Variants in DMBT1 observed in about 807,000 individuals in gnomAD.
DMBT1 encodes the protein scavenger receptor cysteine-rich domain-containing protein DMBT1.
Under a neutral mutation model 252.9 loss-of-function variants are expected in DMBT1, and 198 were observed. The ratio of observed to expected loss-of-function variants is 0.78; its 90% CI spans 0.70 to 0.88. The LOEUF is 0.88. Among genes scored for constraint, DMBT1 ranks in the 40% least tolerant of loss-of-function variants. The pLI is 0.00. For synonymous variants in DMBT1, 990 were observed against 942.7 expected (o/e 1.05, Z -0.92); for missense variants, 2,432 against 2,404.7 (o/e 1.01, Z -0.24).
At chr10:122,624,889 TTTC>T (rs139861243) in intron 44 of DMBT1, among the ~76,000 whole-genome samples, 20,967 of 152,154 alleles carry the variant, frequency 0.14, 1,636 homozygotes, top group South Asian at 0.35. Context: ...AGTGTGTGGT[TTTC>T]TCCATGACAA....
intron 52 of DMBT1, among the ~76,000 whole-genome samples, chr10:122,635,589 C>T (rs980206749): frequency 5.3e-5 from 8 of 152,128 alleles, no homozygotes; most frequent in African/African-American, 1.4e-4. Flanking sequence ...CTCACTCTGT[C>T]GCCCAAACTG....
chr10:122,565,820 T>C (rs2097585135), intron 1 of DMBT1, 147 bp from the exon 2 acceptor site: 1 of 734,146 alleles, frequency 1.4e-6, no homozygotes, highest in Non-Finnish European at 2.4e-6. Context: ...AGAATTCATT[T>C]AGCAAGAACG....
At chr10:122,623,424 G>A (rs1483619096) in intron 44 of DMBT1, among the ~76,000 whole-genome samples, 2 of 152,194 alleles carry the variant, frequency 1.3e-5, no homozygotes, top group Non-Finnish European at 2.9e-5. Flanking sequence ...ATATACCTAG[G>A]AGTGGGATTG....
chr10:122,579,433 A>G, intron 9 of DMBT1, 145 bp from the exon 10 acceptor site: 16 of 1,520,526 alleles, frequency 1.1e-5, no homozygotes, highest in Non-Finnish European at 1.3e-5. Context: ...TTTCACGGTG[A>G]TGAAGCCTAG....
At chr10:122,579,445 C>A in intron 9 of DMBT1, 133 bp from the exon 10 acceptor site, 1 of 1,546,466 alleles carries the variant, frequency 6.5e-7, no homozygotes, top group South Asian at 1.2e-5. Flanking sequence ...GAAGCCTAGT[C>A]TGTGGTCATA....
At chr10:122,590,047 G>A (rs928652498) in intron 17 of DMBT1, among the ~76,000 whole-genome samples, 1 of 148,596 alleles carries the variant, frequency 6.7e-6, no homozygotes, top group Middle Eastern at 3.4e-3. Flanking sequence ...GTTGGGGGAC[G>A]GACGATCTCA....
intron 5 of DMBT1, among the ~76,000 whole-genome samples, chr10:122,573,426 G>A (rs1591196995): frequency 6.6e-6 from 1 of 152,210 alleles, no homozygotes; most frequent in Admixed American, 6.5e-5. Context: ...ATTCAATCTT[G>A]TGACTAGCAT....
At chr10:122,634,998 AT>A (rs772728056) in intron 52 of DMBT1, among the ~76,000 whole-genome samples, 4 of 152,086 alleles carry the variant, frequency 2.6e-5, no homozygotes, top group Non-Finnish European at 4.4e-5. Context: ...TTCATTTGGG[AT>A]TTTGCAAAAG....
intron 3 of DMBT1, 59 bp from the exon 4 acceptor site, chr10:122,570,831 A>C: frequency 6.3e-7 from 1 of 1,587,558 alleles, no homozygotes; most frequent in South Asian, 1.1e-5. Context: ...GAAGCCATGG[A>C]CCAACCCTCC....
intron 17 of DMBT1, 67 bp from the exon 18 acceptor site, chr10:122,590,598 T>G (rs1202487571): frequency 6.4e-7 from 1 of 1,553,120 alleles, no homozygotes; most frequent in Non-Finnish European, 8.8e-7. Context: ...TTTAGTTCCT[T>G]GTACCTTTGT....
At position 122,637,314 on chromosome 10, in the gene DMBT1, T is replaced by C. The variant is rs879130703; in HGVS notation, c.6942+2T>C. 6.3e-7 allele frequency: 1 copy of C among 1,598,422 alleles called. No homozygotes were observed. Among genetic ancestry groups the C allele is most frequent in the African/African-American group, 1.3e-5 (1 of 74,700 alleles). On this transcript the variant is annotated splice_donor_variant, in intron 54 of 55. Transcript: ENST00000338354. LOFTEE classifies it high-confidence loss of function. ...TCAGGCTGCGGCACCTTCAAGCAGG[T>C]AAGCCTGGGGCTTCCCATTCCATTT...
At chr10:122,574,306 G>A (rs2097692654) in intron 6 of DMBT1, among the ~76,000 whole-genome samples, 1 of 152,214 alleles carries the variant, frequency 6.6e-6, no homozygotes, top group Non-Finnish European at 1.5e-5. Flanking sequence ...GGGAGACATA[G>A]TCAATACATC....
At chr10:122,632,835 T>A in intron 50 of DMBT1, 26 bp from the exon 51 acceptor site, 1 of 1,612,932 alleles carries the variant, frequency 6.2e-7, no homozygotes, top group South Asian at 1.1e-5. Flanking sequence ...AGAAAACTGA[T>A]CCTGATCTTT....
At chr10:122,585,837 C>G (rs1171271294) in intron 15 of DMBT1, among the ~76,000 whole-genome samples, 4 of 148,678 alleles carry the variant, frequency 2.7e-5, no homozygotes, top group Admixed American at 6.7e-5. Flanking sequence ...CCTGTTAACT[C>G]CAGTAGGGTC....
intron 46 of DMBT1, among the ~76,000 whole-genome samples, chr10:122,628,455 G>T (rs1380934045): frequency 6.6e-6 from 1 of 152,150 alleles, no homozygotes; most frequent in South Asian, 2.1e-4. Context: ...GGACAACGTG[G>T]TGAAACCCTG....
chr10:122,586,765 A>G (rs2097793819), intron 16 of DMBT1, among the ~76,000 whole-genome samples: 1 of 148,676 alleles, frequency 6.7e-6, no homozygotes, highest in African/African-American at 2.4e-5. Context: ...AGCATGGTGC[A>G]GGCATCTGCT....
Position 122,621,366 on chromosome 10 carries a change from G to A in DMBT1, c.5594G>A (p.Gly1865Asp). Reference sequence around the variant, plus strand: ...AACTGTGGCCATCACGAAGACGCTGGTGTCATCTGCTCAGGTGGGCCTTCA... The same window carrying A: ...AACTGTGGCCATCACGAAGACGCTGATGTCATCTGCTCAGGTGGGCCTTCA... The part of the protein sequence containing the change: ...THNCGHHEDA[G>D]VICSATQINS... Residue 1865 changes from glycine to aspartate, a missense_variant, in exon 44 of 56, where the codon GGT (glycine) becomes GAT (aspartate). By Grantham distance (94) the Gly-to-Asp change is moderately conservative. Coordinates refer to ENST00000338354, the MANE Select transcript of DMBT1 (RefSeq NM_001377530.1). 1 of 1,613,854 alleles carries A rather than the reference G, an allele frequency of 6.2e-7. No homozygotes were observed. The highest frequency in any genetic ancestry group is 8.5e-7 in the Non-Finnish European group (1 of 1,179,758).
chr10:122,570,057 T>G (rs748203853), intron 2 of DMBT1, 105 bp from the exon 3 acceptor site: 5 of 1,065,966 alleles, frequency 4.7e-6, no homozygotes, highest in Non-Finnish European at 7.3e-6. Context: ...GAGGGTGCCC[T>G]TAGGCCCTGG....
rs764696806 is a variant in DMBT1, at chr10:122,633,265, C to G, written c.6472C>G (p.Pro2158Ala). ...FSSPFYPGNY[P>A]NNAKCVWDIE... ...CAGCCCATTCTATCCCGGGAACTAT[C>G]CAAACAATGCCAAGTGTGTGTGGGA... The change falls in exon 52 of 56, where the codon CCA (proline) becomes GCA (alanine). Residue 2158 changes from proline (P) to alanine (A), a missense_variant. By Grantham distance (27) the Pro-to-Ala change is conservative (BLOSUM62 -1). Around this residue, in one of 3 missense-constraint regions of DMBT1, gnomAD observed 1,162 missense variants for 1,169.0 expected, o/e 0.99. Coordinates refer to ENST00000338354, the MANE Select transcript of DMBT1 (RefSeq NM_001377530.1). 3 of 1,613,902 alleles carry G rather than the reference C, an allele frequency of 1.9e-6. No individual in the cohort carries two copies. Among genetic ancestry groups the G allele is most frequent in the Non-Finnish European group, 2.5e-6 (3 of 1,179,918 alleles).
Sources: gnomAD v4.1 joint callset for allele counts (sites outside exome capture counted in the v4.1 genomes callset) on GRCh38, gnomAD v4.1.1 for gene constraint, gnomAD v4.1.1 regional missense constraint, MANE v1.5 for transcripts, NCBI Gene and HGNC (gene_info 2026-07-23, HGNC 2026-07-21) for gene names.